NCK1: variants seen among roughly 807,000 people sequenced by gnomAD.
The protein encoded by NCK1 is SH2/SH3 adapter protein NCK1.
A neutral mutation model predicts 36.6 loss-of-function variants in NCK1; 19 were observed. The observed-to-expected ratio is 0.52, with a 90% confidence interval of 0.36 to 0.76. The LOEUF is 0.76. Among genes scored for constraint, NCK1 ranks in the 30% least tolerant of loss-of-function variants. The probability of loss-of-function intolerance (pLI) is 0.00; values close to 1 mark genes in which losing one functional copy is unlikely to be tolerated. For synonymous variants in NCK1, 165 were observed against 156.0 expected, an observed-to-expected ratio of 1.06 and a Z score of -0.43; for missense variants, 358 against 445.6, an observed-to-expected ratio of 0.80 and a Z score of 1.77.
chr3:136,889,999 C>T (rs9838022), intron 1 of NCK1, among the ~76,000 whole-genome samples: 101,953 of 152,024 alleles, frequency 0.67, 34,591 homozygotes, highest in East Asian at 0.87. Flanking sequence ...GCTGTGTGCC[C>T]GCACTCCTGA....
intron 2 of NCK1, among the ~76,000 whole-genome samples, chr3:136,940,575 C>T (rs1576991047): frequency 6.6e-6 from 1 of 152,102 alleles, no homozygotes; most frequent in Admixed American, 6.6e-5. Context: ...TAGACAGTCT[C>T]GCTCTGTTGC....
At chr3:136,941,657 A>G (rs550287140) in intron 2 of NCK1, among the ~76,000 whole-genome samples, 1 of 151,880 alleles carries the variant, frequency 6.6e-6, no homozygotes, top group Non-Finnish European at 1.5e-5. Context: ...TAGAATTGAA[A>G]TTTTTGTTTT....
intron 1 of NCK1, 78 bp downstream of exon 1, chr3:136,862,431 G>C (rs559264432): frequency 6.6e-6 from 1 of 152,440 alleles, no homozygotes; most frequent in Admixed American, 6.5e-5. Flanking sequence ...CCTGTTACTC[G>C]CTGCGTCGCT....
chr3:136,907,503 C>T (rs1939716250), intron 1 of NCK1, among the ~76,000 whole-genome samples: 1 of 152,160 alleles, frequency 6.6e-6, no homozygotes, highest in Non-Finnish European at 1.5e-5. Flanking sequence ...GGGCTTCTCC[C>T]ATGGCTAGGA....
chr3:136,919,215 AT>A (rs111695432), intron 1 of NCK1, among the ~76,000 whole-genome samples: 200 of 149,088 alleles, frequency 1.3e-3, no homozygotes, highest in African/African-American at 3.1e-3. Flanking sequence ...GCATAAAGCA[AT>A]TTTTTTTTTT....
intron 1 of NCK1, among the ~76,000 whole-genome samples, chr3:136,913,543 C>G (rs936287384): frequency 1.3e-5 from 2 of 152,242 alleles, no homozygotes; most frequent in African/African-American, 4.8e-5. Context: ...CTTGGAATTA[C>G]AAGTTTGAGA....
intron 1 of NCK1, among the ~76,000 whole-genome samples, chr3:136,881,805 T>C (rs1938945448): frequency 6.6e-6 from 1 of 152,226 alleles, no homozygotes; most frequent in Admixed American, 6.5e-5. Flanking sequence ...GGCTGGCTTA[T>C]TTCACTTAAT....
chr3:136,884,960 A>T (rs1468449824), intron 1 of NCK1, among the ~76,000 whole-genome samples: 1 of 152,126 alleles, frequency 6.6e-6, no homozygotes, highest in Non-Finnish European at 1.5e-5. Flanking sequence ...ACCTCAAGTG[A>T]TCTGCCCACC....
intron 1 of NCK1, among the ~76,000 whole-genome samples, chr3:136,920,844 A>G (rs1419712297): frequency 1.3e-5 from 2 of 152,208 alleles, no homozygotes; most frequent in Non-Finnish European, 2.9e-5. Flanking sequence ...TCTAAGTCTT[A>G]TATACTATAT....
At chr3:136,913,549 T>G (rs532840551) in intron 1 of NCK1, among the ~76,000 whole-genome samples, 43 of 152,374 alleles carry the variant, frequency 2.8e-4, no homozygotes, top group African/African-American at 9.6e-4. Context: ...ATTACAAGTT[T>G]GAGACACTGC....
At chr3:136,887,066 A>G (rs1323134813) in intron 1 of NCK1, among the ~76,000 whole-genome samples, 5 of 151,648 alleles carry the variant, frequency 3.3e-5, no homozygotes, top group Non-Finnish European at 7.4e-5. Context: ...CTGGTCTCGA[A>G]CTCCTGACCT....
At chr3:136,927,931 G>GC in intron 1 of NCK1, 53 bp from the exon 2 acceptor site, 1 of 1,260,002 alleles carries the variant, frequency 7.9e-7, no homozygotes, top group South Asian at 1.3e-5. Flanking sequence ...TGAAAAGCAT[G>GC]TGAACTAATA....
At chr3:136,905,993 C>T (rs1474846488) in intron 1 of NCK1, among the ~76,000 whole-genome samples, 1 of 152,000 alleles carries the variant, frequency 6.6e-6, no homozygotes, top group East Asian at 1.9e-4. Context: ...TATTTCCTTG[C>T]TTTTTCATGT....
intron 1 of NCK1, among the ~76,000 whole-genome samples, chr3:136,888,499 TTTAAGTGA>T (rs964775724): frequency 1.1e-4 from 17 of 151,324 alleles, no homozygotes; most frequent in African/African-American, 3.7e-4. Flanking sequence ...GCCTCCCAGG[TTTAAGTGA>T]TTCTCCTGCC....
At chr3:136,917,695 C>G (rs772320995) in intron 1 of NCK1, among the ~76,000 whole-genome samples, 1 of 152,218 alleles carries the variant, frequency 6.6e-6, no homozygotes, top group Non-Finnish European at 1.5e-5. Context: ...TCAGTTCTCT[C>G]TCCTTAGGTA....
At chr3:136,947,850 C>T (rs2108156527) in intron 3 of NCK1, among the ~76,000 whole-genome samples, 1 of 152,286 alleles carries the variant, frequency 6.6e-6, no homozygotes, top group Non-Finnish European at 1.5e-5. Context: ...CTGTTAGCTA[C>T]ACATTGAAAA....
In NCK1 at chr3:136,948,245, T is replaced by C. The variant is rs1940878595; in HGVS notation, c.940-14T>C. The C allele has an allele frequency of 1.9e-6, 3 of 1,568,274 alleles. No homozygotes were observed. In the South Asian group the frequency reaches 3.6e-5, roughly 19 times the overall value. Reference sequence around the variant, plus strand: ...CAAAATGTTTACTATATGTATCTTTTTTTTCTCTTTTAGCCAAATGATTTC... The same window carrying C: ...CAAAATGTTTACTATATGTATCTTTCTTTTCTCTTTTAGCCAAATGATTTC... On this transcript the variant is annotated splice_polypyrimidine_tract_variant and intron_variant, in intron 3 of 3. Coordinates refer to ENST00000481752, the MANE Select transcript of NCK1 (RefSeq NM_001291999.2).
chr3:136,864,784 CAG>C (rs1938363936), intron 1 of NCK1, among the ~76,000 whole-genome samples: 2 of 128,388 alleles, frequency 1.6e-5, no homozygotes, highest in Non-Finnish European at 3.2e-5. Context: ...TTTTTTGAGA[CAG>C]AGTCTCTGTT....
At chr3:136,872,484 ATT>A (rs914536463) in intron 1 of NCK1, among the ~76,000 whole-genome samples, 9 of 152,208 alleles carry the variant, frequency 5.9e-5, no homozygotes, top group African/African-American at 2.2e-4. Context: ...AGTTTGGAAA[ATT>A]TGCAGCTTGA....
Sources: allele counts gnomAD v4.1 joint callset (sites outside exome capture counted in the v4.1 genomes callset), GRCh38; gene constraint gnomAD v4.1.1; transcripts MANE v1.5; gene names NCBI Gene and HGNC (gene_info 2026-07-23, HGNC 2026-07-21).